IMPA2: variants seen among roughly 807,000 people sequenced by gnomAD.
The protein encoded by IMPA2 is IMP 2.
IMPA2 carries 32 observed loss-of-function variants against 35.1 expected under a neutral mutation model. The ratio of observed to expected loss-of-function variants is 0.91; its 90% CI spans 0.69 to 1.23. The LOEUF (loss-of-function observed/expected upper bound fraction) is 1.23, where lower values mean the gene tolerates loss of function less well. Ranked by LOEUF, IMPA2 falls within the 50% of genes most tolerant of loss-of-function variation. The probability of loss-of-function intolerance (pLI) is 0.00; values close to 1 mark genes in which losing one functional copy is unlikely to be tolerated. For missense variants in IMPA2, 334 were observed against 387.6 expected (o/e 0.86, Z 1.16); for synonymous variants, 135 against 160.6 (o/e 0.84, Z 1.20).
chr18:12,020,824 A>T (rs1374368618), intron 5 of IMPA2, among the ~76,000 whole-genome samples: 1 of 150,936 alleles, frequency 6.6e-6, no homozygotes, highest in African/African-American at 2.4e-5. Flanking sequence ...TTTTTTCCTG[A>T]TATTCTTTAT....
At chr18:11,993,571 A>G (rs1009146357) in intron 1 of IMPA2, among the ~76,000 whole-genome samples, 9 of 152,190 alleles carry the variant, frequency 5.9e-5, no homozygotes, top group Admixed American at 1.3e-4. Flanking sequence ...AGAGCTCCCA[A>G]CCTGGAGGAG....
intron 7 of IMPA2, among the ~76,000 whole-genome samples, chr18:12,029,987 C>G (rs1908001451): frequency 6.6e-6 from 1 of 152,236 alleles, no homozygotes; most frequent in African/African-American, 2.4e-5. Context: ...CCCTGGCTGA[C>G]CCCTGTGCAC....
intron 1 of IMPA2, among the ~76,000 whole-genome samples, chr18:11,982,348 C>T (rs1410231014): frequency 6.6e-6 from 1 of 152,234 alleles, no homozygotes; most frequent in African/African-American, 2.4e-5. Flanking sequence ...AAATGGAGTG[C>T]AGTTCCTCTC....
chr18:11,986,900 A>T (rs1285304631), intron 1 of IMPA2, among the ~76,000 whole-genome samples: 1 of 152,236 alleles, frequency 6.6e-6, no homozygotes, highest in Non-Finnish European at 1.5e-5. Context: ...GGCCATGCAG[A>T]TGTAACTCAT....
chr18:11,989,972 T>A (rs1432394492), intron 1 of IMPA2, among the ~76,000 whole-genome samples: 1 of 152,158 alleles, frequency 6.6e-6, no homozygotes, highest in Non-Finnish European at 1.5e-5. Flanking sequence ...CATGGGGAGC[T>A]GAGACATTGA....
At position 12,010,058 on chromosome 18, in the gene IMPA2, A is replaced by G; in HGVS notation, c.335+71A>G. 3 of 1,201,724 alleles carry G rather than the reference A, an allele frequency of 2.5e-6. No homozygotes were observed. The highest frequency in any genetic ancestry group is 2.4e-5 in the South Asian group (2 of 81,910). The allele number at this position is 1,201,724 out of a possible 1,614,324, so 74.4% of individuals were successfully genotyped here. A position where few individuals can be genotyped will look rare whatever the true frequency, so the allele number is the denominator to read the frequency against. ...TCTTCTGTGAGGTTTTGTCTTTTCAAAAGCAGCATTTTTTAAGGCAGGAAT... is the reference window on the plus strand; with the variant it reads ...TCTTCTGTGAGGTTTTGTCTTTTCAGAAGCAGCATTTTTTAAGGCAGGAAT... On this transcript the variant is annotated intron_variant, in intron 3 of 7. Coordinates refer to ENST00000269159, the MANE Select transcript of IMPA2 (RefSeq NM_014214.3). The surrounding 1 kb of genome is among the most constrained non-coding windows in gnomAD (Gnocchi z 4.8).
intron 1 of IMPA2, among the ~76,000 whole-genome samples, chr18:11,984,928 A>G (rs1906616803): frequency 6.7e-6 from 1 of 148,652 alleles, no homozygotes; most frequent in Admixed American, 6.8e-5. Flanking sequence ...AGATCGTGCC[A>G]CTGCACTCCA....
At chr18:12,029,044 A>C in intron 7 of IMPA2, 51 bp downstream of exon 7, 1 of 1,555,076 alleles carries the variant, frequency 6.4e-7, no homozygotes, top group Non-Finnish European at 8.7e-7. Context: ...ACTGAGAGAC[A>C]CTGTGGGTGG....
chr18:11,993,365 G>A (rs1203913515), intron 1 of IMPA2, among the ~76,000 whole-genome samples: 1 of 152,216 alleles, frequency 6.6e-6, no homozygotes, highest in Non-Finnish European at 1.5e-5. Context: ...ACAGGACAAG[G>A]CTTCTGACTT....
intron 5 of IMPA2, among the ~76,000 whole-genome samples, chr18:12,016,719 G>T (rs112626180): frequency 0.027 from 4,152 of 152,198 alleles, 138 homozygotes; most frequent in African/African-American, 0.074. Flanking sequence ...ACACCTGGCC[G>T]ATTCTGCCAC....
intron 5 of IMPA2, among the ~76,000 whole-genome samples, chr18:12,014,873 T>C (rs1021809535): frequency 2.6e-5 from 4 of 152,196 alleles, no homozygotes; most frequent in African/African-American, 9.6e-5. Flanking sequence ...AGTTATGGCC[T>C]GCCGTGATTT....
At chr18:11,996,889 C>T (rs552048982) in intron 1 of IMPA2, among the ~76,000 whole-genome samples, 1 of 152,152 alleles carries the variant, frequency 6.6e-6, no homozygotes, top group Non-Finnish European at 1.5e-5. Flanking sequence ...CATACACACC[C>T]AGAGATACAC....
At chr18:12,016,719 G>A (rs112626180) in intron 5 of IMPA2, among the ~76,000 whole-genome samples, 2 of 152,104 alleles carry the variant, frequency 1.3e-5, no homozygotes, top group African/African-American at 4.8e-5. Context: ...ACACCTGGCC[G>A]ATTCTGCCAC....
chr18:12,002,354 A>AT (rs1399244341), intron 2 of IMPA2, among the ~76,000 whole-genome samples: 1 of 152,146 alleles, frequency 6.6e-6, no homozygotes, highest in Non-Finnish European at 1.5e-5. Flanking sequence ...ACTTAATAAC[A>AT]TTTTTTTAAA....
intron 2 of IMPA2, among the ~76,000 whole-genome samples, chr18:12,004,537 T>G (rs1357340412): frequency 6.6e-6 from 1 of 151,160 alleles, no homozygotes; most frequent in Non-Finnish European, 1.5e-5. Context: ...ATTGTGGGTT[T>G]TTTTTTTTTT....
intron 5 of IMPA2, among the ~76,000 whole-genome samples, chr18:12,027,065 A>C (rs1025883164): frequency 6.6e-6 from 1 of 152,252 alleles, no homozygotes; most frequent in Non-Finnish European, 1.5e-5. Context: ...AACTGGGTCC[A>C]TTGAGTGCAG....
At chr18:12,019,802 A>G (rs1907679681) in intron 5 of IMPA2, among the ~76,000 whole-genome samples, 1 of 151,664 alleles carries the variant, frequency 6.6e-6, no homozygotes, top group African/African-American at 2.4e-5. Context: ...TAATATCACC[A>G]CTCCTCAGGA....
intron 1 of IMPA2, chr18:11,993,877 C>T (rs1906883163): frequency 6.6e-6 from 1 of 152,232 alleles, no homozygotes; most frequent in African/African-American, 2.4e-5. Flanking sequence ...TGTGAAGGGC[C>T]TTGCACACCT....
chr18:12,013,751 C>T (rs1043625756), intron 4 of IMPA2, among the ~76,000 whole-genome samples: 4 of 152,168 alleles, frequency 2.6e-5, no homozygotes, highest in Non-Finnish European at 5.9e-5. Context: ...CACTGTTCAG[C>T]GCACTGCCTG....
Sources: gnomAD v4.1 joint callset for allele counts (sites outside exome capture counted in the v4.1 genomes callset) on GRCh38, gnomAD v4.1.1 for gene constraint, Gnocchi (gnomAD v3.1) non-coding constraint, MANE v1.5 for transcripts, NCBI Gene and HGNC (gene_info 2026-07-23, HGNC 2026-07-21) for gene names.